KIAA1328: variants seen among roughly 807,000 people sequenced by gnomAD.
The protein encoded by KIAA1328 is protein hinderin.
A neutral mutation model predicts 68.1 loss-of-function variants in KIAA1328; 52 were observed. The observed-to-expected ratio is 0.76, with a 90% CI of 0.61 to 0.96. The LOEUF (loss-of-function observed/expected upper bound fraction) is 0.96, where lower values mean the gene tolerates loss of function less well. Among genes scored for constraint, KIAA1328 ranks in the 40% least tolerant of loss-of-function variants. The probability of loss-of-function intolerance (pLI) is 0.00; values close to 1 mark genes in which losing one functional copy is unlikely to be tolerated. For missense variants in KIAA1328, 641 were observed against 677.6 expected, an observed-to-expected ratio of 0.95 and a Z score of 0.60; for synonymous variants, 232 against 239.4, an observed-to-expected ratio of 0.97 and a Z score of 0.28.
At chr18:37,115,266 T>G (rs1407819948) in intron 7 of KIAA1328, among the ~76,000 whole-genome samples, 1 of 152,170 alleles carries the variant, frequency 6.6e-6, no homozygotes, top group African/African-American at 2.4e-5. Context: ...AAATCCTCAA[T>G]AAAATACTGG....
intron 6 of KIAA1328, among the ~76,000 whole-genome samples, chr18:37,049,895 G>A (rs568295616): frequency 1.1e-4 from 16 of 152,190 alleles, no homozygotes; most frequent in South Asian, 2.1e-4. Flanking sequence ...TACAGTGTAC[G>A]TACTTTTTCC....
intron 5 of KIAA1328, among the ~76,000 whole-genome samples, chr18:36,893,455 G>GTTTT (rs1568132299): frequency 1.5e-5 from 2 of 137,220 alleles, no homozygotes; most frequent in African/African-American, 2.7e-5. Flanking sequence ...GTGTGTGTGT[G>GTTTT]TGTGTGTTTT....
chr18:37,190,813 C>T (rs961845946), intron 9 of KIAA1328, among the ~76,000 whole-genome samples: 2 of 152,142 alleles, frequency 1.3e-5, no homozygotes, highest in Non-Finnish European at 1.5e-5. Flanking sequence ...AACCAGGAGA[C>T]CCTGGCCTCC....
intron 6 of KIAA1328, among the ~76,000 whole-genome samples, chr18:37,014,943 G>T (rs576726866): frequency 6.6e-6 from 1 of 151,902 alleles, no homozygotes; most frequent in African/African-American, 2.4e-5. Context: ...TAGCTCTGTC[G>T]CCAGGCTGGA....
chr18:37,142,475 C>T (rs2058788851), intron 7 of KIAA1328, among the ~76,000 whole-genome samples: 1 of 152,104 alleles, frequency 6.6e-6, no homozygotes, highest in Non-Finnish European at 1.5e-5. Context: ...GGATTACAGG[C>T]GTGAGCTACC....
At chr18:36,929,506 C>T (rs2050237670) in intron 5 of KIAA1328, among the ~76,000 whole-genome samples, 1 of 151,904 alleles carries the variant, frequency 6.6e-6, no homozygotes, top group Non-Finnish European at 1.5e-5. Flanking sequence ...TAGCATGGGC[C>T]CTGGAGTACT....
At chr18:36,996,916 A>G (rs1472564067) in intron 6 of KIAA1328, among the ~76,000 whole-genome samples, 1 of 152,180 alleles carries the variant, frequency 6.6e-6, no homozygotes, top group Non-Finnish European at 1.5e-5. Context: ...GATCTGTTAG[A>G]ACACTGCCTG....
Position 36,835,242 on chromosome 18 carries a change from G to C in KIAA1328, c.103G>C (p.Ala35Pro). 1 of 1,611,212 alleles carries C rather than the reference G, an allele frequency of 6.2e-7. No individual in the cohort carries two copies. Among genetic ancestry groups the C allele is most frequent in the East Asian group, 2.2e-5 (1 of 44,790 alleles). ...TTAATGGAAATCCTTAGGAATTTCT[G>C]CTGAAGGAAATGTCAGATCAAGACA... ...QSVVYVPGISAEGNVRSRHKL... is the reference protein window; with the variant it reads ...QSVVYVPGISPEGNVRSRHKL... Residue 35 changes from alanine to proline, a missense_variant, in exon 3 of 10, where the codon GCT becomes CCT. By Grantham distance (27) the Ala-to-Pro change is conservative. Transcript: ENST00000280020.
chr18:37,123,686 G>C (rs1232332437), intron 7 of KIAA1328, among the ~76,000 whole-genome samples: 1 of 152,094 alleles, frequency 6.6e-6, no homozygotes, highest in Non-Finnish European at 1.5e-5. Context: ...ACAAACTGAG[G>C]TTAGGCATCA....
intron 7 of KIAA1328, among the ~76,000 whole-genome samples, chr18:37,077,247 C>T (rs1464369313): frequency 7.3e-6 from 1 of 136,598 alleles, no homozygotes; most frequent in Non-Finnish European, 1.5e-5. Context: ...ACGATTATCT[C>T]AATAGATGCA....
chr18:37,142,942 G>GTTTTTTTTTTTTTTTTTTTTT (rs551875920), intron 7 of KIAA1328, among the ~76,000 whole-genome samples: 3 of 140,366 alleles, frequency 2.1e-5, no homozygotes, highest in Non-Finnish European at 3.1e-5. Flanking sequence ...ATTTACTTTG[G>GTTTTTTTTTTTTTTTTTTTTT]TTTTTTTTTT....
At chr18:37,102,693 T>C (rs377157168) in intron 7 of KIAA1328, among the ~76,000 whole-genome samples, 1 of 152,084 alleles carries the variant, frequency 6.6e-6, no homozygotes, top group South Asian at 2.1e-4. Flanking sequence ...CACTTTCACC[T>C]CTCATATTCA....
In KIAA1328 at chr18:37,067,327, T is replaced by C. The variant is rs764394519; in HGVS notation, c.1014T>C (p.Cys338=). The C allele has an allele frequency of 3.7e-6, 6 of 1,613,984 alleles. No individual in the cohort carries two copies. Among genetic ancestry groups the C allele is most frequent in the Non-Finnish European group, 5.1e-6 (6 of 1,179,874 alleles). ...PKTHPESCSY[C]RLSWASLVHG... ...CACATCCAGAATCATGCAGTTATTG[T>C]CGGCTTTCTTGGGCATCTCTGGTGC... The change falls in exon 7 of 10, where the codon TGT becomes TGC. Residue 338 remains cysteine, a synonymous_variant. Coordinates refer to ENST00000280020, the MANE Select transcript of KIAA1328 (RefSeq NM_020776.3).
intron 6 of KIAA1328, among the ~76,000 whole-genome samples, chr18:36,980,858 C>T (rs753476276): frequency 7.2e-5 from 11 of 152,164 alleles, no homozygotes; most frequent in Non-Finnish European, 1.6e-4. Flanking sequence ...TGCCACAGGC[C>T]ATCCCCTTAA....
intron 6 of KIAA1328, among the ~76,000 whole-genome samples, chr18:36,977,301 G>A (rs1255881433): frequency 6.6e-6 from 1 of 152,190 alleles, no homozygotes; most frequent in Non-Finnish European, 1.5e-5. Context: ...GGTAGCTTCA[G>A]TTCTTCCAGA....
intron 5 of KIAA1328, among the ~76,000 whole-genome samples, chr18:36,926,249 A>G (rs957021119): frequency 6.6e-6 from 1 of 152,122 alleles, no homozygotes; most frequent in Non-Finnish European, 1.5e-5. Context: ...CCTGGCTATC[A>G]TGCCTTCCTC....
chr18:37,208,984 C>G (rs574452459), intron 9 of KIAA1328, among the ~76,000 whole-genome samples: 37 of 152,162 alleles, frequency 2.4e-4, no homozygotes, highest in Non-Finnish European at 4.1e-4. Context: ...TCTTGAAGGA[C>G]TTGTGGACCT....
chr18:37,026,625 C>G (rs1568308720), intron 6 of KIAA1328, among the ~76,000 whole-genome samples: 1 of 152,170 alleles, frequency 6.6e-6, no homozygotes, highest in Non-Finnish European at 1.5e-5. Context: ...ACAAAAACCA[C>G]ATGATTATCT....
At chr18:36,958,943 T>G (rs926311017) in intron 5 of KIAA1328, among the ~76,000 whole-genome samples, 2 of 152,134 alleles carry the variant, frequency 1.3e-5, no homozygotes, top group African/African-American at 4.8e-5. Flanking sequence ...TGCTAAGAGT[T>G]TTATAGTTTT....
Sources: gnomAD v4.1 joint callset for allele counts (sites outside exome capture counted in the v4.1 genomes callset) on GRCh38, gnomAD v4.1.1 for gene constraint, MANE v1.5 for transcripts, NCBI Gene and HGNC (gene_info 2026-07-23, HGNC 2026-07-21) for gene names.